The following CDH4 variants were observed in gnomAD, a reference collection of about 807,000 sequenced individuals.
CDH4 encodes the protein cadherin-4.
In CDH4, 33 loss-of-function variants were observed where a neutral mutation model predicts 86.0. The observed-to-expected ratio is 0.38, with a 90% confidence interval of 0.29 to 0.51. CDH4 has a LOEUF of 0.51. Among genes scored for constraint, CDH4 ranks in the 20% least tolerant of loss-of-function variants. The pLI, the probability that CDH4 is intolerant of heterozygous loss-of-function variation, is 0.86. For synonymous variants in CDH4, 555 were observed against 549.4 expected (o/e 1.01, Z -0.14); for missense variants, 1,114 against 1,307.4 (o/e 0.85, Z 2.28).
chr20:61,648,074 C>A (rs1235875742), intron 2 of CDH4, among the ~76,000 whole-genome samples: 6 of 152,224 alleles, frequency 3.9e-5, no homozygotes, highest in Admixed American at 3.9e-4. Context: ...TGGGCTCCAG[C>A]CACCTCTGAC....
rs547830808 is a variant in CDH4, at chr20:61,728,767, A to G, written c.170-14796A>G. ...ACACTGGTTCATGTTGGTTCATGAA[A>G]TGTTAGTTCCAGATATTCAATAAAA... On this transcript the variant is annotated intron_variant, in intron 2 of 15. Transcript: ENST00000614565. 3.3e-5 allele frequency among the ~76,000 whole-genome samples: 5 copies of G among 152,328 alleles called. No homozygotes were observed. The South Asian group carries it at 1.0e-3, about 32-fold the overall frequency.
At chr20:61,907,194 C>G (rs567960920) in intron 8 of CDH4, among the ~76,000 whole-genome samples, 2 of 152,274 alleles carry the variant, frequency 1.3e-5, no homozygotes, top group East Asian at 1.9e-4. Context: ...CCCAGGCCCC[C>G]CCGGGCACCA....
intron 2 of CDH4, among the ~76,000 whole-genome samples, chr20:61,437,758 T>C (rs1425498057): frequency 1.3e-5 from 2 of 152,192 alleles, no homozygotes; most frequent in Non-Finnish European, 2.9e-5. Flanking sequence ...GACCCTTTCA[T>C]GACTGCCCTG....
intron 9 of CDH4, among the ~76,000 whole-genome samples, chr20:61,919,875 T>C (rs1216412593): frequency 6.5e-4 from 1 of 1,542 alleles, no homozygotes; most frequent in East Asian, 0.019. Context: ...GGTGATTGCA[T>C]GGAAGCTTGT....
chr20:61,498,734 C>G (rs551654117), intron 2 of CDH4, among the ~76,000 whole-genome samples: 1 of 152,226 alleles, frequency 6.6e-6, no homozygotes, highest in African/African-American at 2.4e-5. Flanking sequence ...ATAAAATACA[C>G]TAAAGATAGC....
intron 2 of CDH4, among the ~76,000 whole-genome samples, chr20:61,640,189 T>C (rs2086990432): frequency 6.6e-6 from 1 of 152,220 alleles, no homozygotes; most frequent in South Asian, 2.1e-4. Context: ...TTGACTCTTC[T>C]TGGTCTTTGT....
intron 2 of CDH4, among the ~76,000 whole-genome samples, chr20:61,591,847 A>C (rs1600788652): frequency 6.6e-6 from 1 of 152,196 alleles, no homozygotes; most frequent in Non-Finnish European, 1.5e-5. Context: ...TAACATCACC[A>C]CCAGCCTCAT....
chr20:61,426,316 G>A (rs561217671), intron 2 of CDH4, among the ~76,000 whole-genome samples: 1 of 152,148 alleles, frequency 6.6e-6, no homozygotes. Flanking sequence ...GGAAATATAG[G>A]AAGATGCAGG....
chr20:61,774,970 G>A (rs1369617919), intron 4 of CDH4, among the ~76,000 whole-genome samples: 2 of 152,150 alleles, frequency 1.3e-5, no homozygotes, highest in Admixed American at 6.5e-5. Context: ...GTTGTGAATA[G>A]CGCTGCAATG....
intron 2 of CDH4, among the ~76,000 whole-genome samples, chr20:61,580,734 G>A (rs1329720033): frequency 1.3e-5 from 2 of 152,194 alleles, no homozygotes; most frequent in African/African-American, 4.8e-5. Flanking sequence ...GACCACCACT[G>A]GTGACAGGCG....
At chr20:61,616,123 G>A (rs2086723250) in intron 2 of CDH4, among the ~76,000 whole-genome samples, 1 of 152,250 alleles carries the variant, frequency 6.6e-6, no homozygotes, top group South Asian at 2.1e-4. Flanking sequence ...TCAATCAGAA[G>A]CTCAGGGGCA....
chr20:61,481,369 C>G (rs572749772), intron 2 of CDH4, among the ~76,000 whole-genome samples: 130 of 152,326 alleles, frequency 8.5e-4, no homozygotes, highest in Non-Finnish European at 1.5e-3. Context: ...TCCTGGTCTG[C>G]ACTTGTCTGA....
intron 8 of CDH4, among the ~76,000 whole-genome samples, chr20:61,905,482 C>G (rs963922189): frequency 2.0e-4 from 31 of 152,154 alleles, no homozygotes; most frequent in African/African-American, 7.2e-4. Context: ...CAGAGACAGA[C>G]GCTACAGAGG....
intron 2 of CDH4, among the ~76,000 whole-genome samples, chr20:61,358,784 G>A (rs942709658): frequency 6.6e-6 from 1 of 152,184 alleles, no homozygotes; most frequent in African/African-American, 2.4e-5. Flanking sequence ...TCCCACCCAG[G>A]GAACAGTCGC....
At chr20:61,560,644 C>A (rs577906596) in intron 2 of CDH4, among the ~76,000 whole-genome samples, 6 of 152,232 alleles carry the variant, frequency 3.9e-5, no homozygotes, top group African/African-American at 1.4e-4. Context: ...GGGGCCCTGG[C>A]GAGGGCTGAG....
At chr20:61,805,647 C>G (rs749072417) in intron 4 of CDH4, among the ~76,000 whole-genome samples, 23 of 152,208 alleles carry the variant, frequency 1.5e-4, no homozygotes, top group Non-Finnish European at 3.1e-4. Context: ...CCTGATGCCA[C>G]CCAACCTACC....
intron 2 of CDH4, among the ~76,000 whole-genome samples, chr20:61,397,560 A>G (rs1046478032): frequency 2.0e-5 from 3 of 152,180 alleles, no homozygotes; most frequent in African/African-American, 7.2e-5. Flanking sequence ...AGGTAGCCCC[A>G]TATCGCCCTT....
chr20:61,823,812 T>C (rs1310080587), intron 4 of CDH4, among the ~76,000 whole-genome samples: 1 of 152,246 alleles, frequency 6.6e-6, no homozygotes, highest in African/African-American at 2.4e-5. Flanking sequence ...GTACATTATT[T>C]AGAAAATAAC....
chr20:61,452,409 A>G (rs2085385920), intron 2 of CDH4, among the ~76,000 whole-genome samples: 1 of 152,160 alleles, frequency 6.6e-6, no homozygotes, highest in South Asian at 2.1e-4. Flanking sequence ...AAAGATTGCT[A>G]ATCCTAGTGG....
Sources: gnomAD v4.1 joint callset for allele counts (sites outside exome capture counted in the v4.1 genomes callset) on GRCh38, gnomAD v4.1.1 for gene constraint, MANE v1.5 for transcripts, NCBI Gene and HGNC (gene_info 2026-07-23, HGNC 2026-07-21) for gene names.